The following SUGP1 variants were observed in gnomAD, a reference collection of about 807,000 sequenced individuals.
The protein encoded by SUGP1 is SURP and G-patch domain-containing protein 1.
A neutral mutation model predicts 76.5 loss-of-function variants in SUGP1; 34 were observed. The ratio of observed to expected loss-of-function variants is 0.44; its 90% confidence interval spans 0.34 to 0.59. The LOEUF (loss-of-function observed/expected upper bound fraction) is 0.59, where lower values mean the gene tolerates loss of function less well. Among genes scored for constraint, SUGP1 ranks in the 20% least tolerant of loss-of-function variants. The probability of loss-of-function intolerance (pLI) is 0.01; values close to 1 mark genes in which losing one functional copy is unlikely to be tolerated. For synonymous variants in SUGP1, 326 were observed against 326.2 expected, an observed-to-expected ratio of 1.00 and a Z score of 0.01; for missense variants, 752 against 851.7, an observed-to-expected ratio of 0.88 and a Z score of 1.46.
rs375861366 is a variant in SUGP1, at chr19:19,320,443, G to C, written c.34+20C>G. On this transcript the variant is annotated intron_variant, in intron 1 of 13. Coordinates refer to ENST00000247001, the MANE Select transcript of SUGP1 (RefSeq NM_172231.4). ...CCCAGGGACCCAGGCGGCCGCCTGA[G>C]AGGAGGCGGGGGCTGTTACCTGCAA... 2.5e-6 allele frequency: 4 copies of C among 1,607,924 alleles called. No homozygotes were observed. The highest frequency in any genetic ancestry group is 3.4e-6 in the Non-Finnish European group (4 of 1,177,526).
At position 19,278,776 on chromosome 19, in the gene SUGP1, T is replaced by C; in HGVS notation, c.1549A>G (p.Lys517Glu). 1 of 1,613,722 alleles carries C rather than the reference T, an allele frequency of 6.2e-7. No homozygotes were observed. The highest frequency in any genetic ancestry group is 8.5e-7 in the Non-Finnish European group (1 of 1,179,878). The change falls in exon 11 of 14, where the codon AAG (lysine) becomes GAG (glutamate). Residue 517 changes from lysine (K) to glutamate (E), a missense_variant. Coordinates refer to ENST00000247001, the MANE Select transcript of SUGP1 (RefSeq NM_172231.4). ...ATGAAGTGCTTGCCCCGGCCCATCTTTGTCAGCTGCTCGGCCCATTCTGCT... is the reference window on the plus strand; with the variant it reads ...ATGAAGTGCTTGCCCCGGCCCATCTCTGTCAGCTGCTCGGCCCATTCTGCT... Reference protein sequence around the residue: ...KTREWAEQLTKMGRGKHFIGD... With the variant: ...KTREWAEQLTEMGRGKHFIGD...
intron 1 of SUGP1, among the ~76,000 whole-genome samples, chr19:19,317,158 T>C (rs1164772940): frequency 6.8e-6 from 1 of 146,514 alleles, no homozygotes; most frequent in Non-Finnish European, 1.5e-5. Context: ...AAAAAGTAAG[T>C]GCACAATGTG....
chr19:19,305,658 C>A (rs1251038205), intron 4 of SUGP1, 191 bp downstream of exon 4: 6 of 554,642 alleles, frequency 1.1e-5, no homozygotes, highest in African/African-American at 1.9e-5. Context: ...CCCAGCAACA[C>A]CCCAGCCCCG....
chr19:19,317,840 T>A (rs1393756556), intron 1 of SUGP1, among the ~76,000 whole-genome samples: 1 of 143,870 alleles, frequency 7.0e-6, no homozygotes, highest in African/African-American at 2.6e-5. Flanking sequence ...AGGCGAACTG[T>A]TACTCTGTCA....
intron 1 of SUGP1, among the ~76,000 whole-genome samples, chr19:19,318,223 T>G (rs1485445629): frequency 6.6e-6 from 1 of 150,822 alleles, no homozygotes; most frequent in Non-Finnish European, 1.5e-5. Flanking sequence ...GTTCCAGCGA[T>G]TCTCCTGCCT....
intron 8 of SUGP1, among the ~76,000 whole-genome samples, chr19:19,285,877 T>C (rs1209764852): frequency 1.3e-5 from 2 of 152,138 alleles, no homozygotes; most frequent in Non-Finnish European, 2.9e-5. Context: ...GCACCAGAAC[T>C]TAAGGCAGGA....
chr19:19,279,208 C>A lies in SUGP1; in HGVS notation c.1528+5G>T. On this transcript the variant is annotated splice_donor_5th_base_variant and intron_variant, in intron 10 of 13. Transcript: ENST00000247001. Reference sequence around the variant, plus strand: ...CAGCCCGGCCCACCCCGCTGCCCCACATACCCCTGGTCTTATCCATCTCCA... The same window carrying A: ...CAGCCCGGCCCACCCCGCTGCCCCAAATACCCCTGGTCTTATCCATCTCCA... The A allele has an allele frequency of 6.3e-7, 1 of 1,595,424 alleles. No homozygotes were observed. Among genetic ancestry groups the A allele is most frequent in the Non-Finnish European group, 8.5e-7 (1 of 1,172,486 alleles).
chr19:19,293,607 G>C (rs944748308), intron 8 of SUGP1, among the ~76,000 whole-genome samples: 5 of 151,440 alleles, frequency 3.3e-5, no homozygotes, highest in African/African-American at 1.2e-4. Context: ...AAGAAGTGAA[G>C]TTCCTCAACA....
chr19:19,287,386 C>T (rs946470213), intron 8 of SUGP1, among the ~76,000 whole-genome samples: 14 of 151,962 alleles, frequency 9.2e-5, no homozygotes, highest in African/African-American at 3.4e-4. Flanking sequence ...CATGGTGAAA[C>T]CCTATCTCTA....
At chr19:19,297,408 C>CAGGAGCAGTTCTGGCCTTCTGGGA in intron 7 of SUGP1, 64 bp from the exon 8 acceptor site, 1 of 1,402,746 alleles carries the variant, frequency 7.1e-7, no homozygotes, top group Non-Finnish European at 9.6e-7. Flanking sequence ...TGATTCTGGG[C>CAGGAGCAGTTCTGGCCTTCTGGGA]AGGAGCAGTT....
At chr19:19,320,428 C>T in intron 1 of SUGP1, 35 bp downstream of exon 1, 1 of 1,606,414 alleles carries the variant, frequency 6.2e-7, no homozygotes, top group Non-Finnish European at 8.5e-7. Context: ...CCCAGGGACC[C>T]AGGCGGCCGC....
At position 19,276,238 on chromosome 19, in the gene SUGP1, A is replaced by G. The variant is rs1248496978; in HGVS notation, c.*410T>C. 2 of 180,054 alleles carry G rather than the reference A, an allele frequency of 1.1e-5. No homozygotes were observed. Among genetic ancestry groups the G allele is most frequent in the African/African-American group, 2.4e-5 (1 of 42,144 alleles). 11.2% of individuals were successfully genotyped at this position (180,054 alleles called of 1,614,324 possible). ...AGCTAATTTTATATTTTTAGTAGAG[A>G]CAGGATTTCACCATGTTGGCCAGGC... is the stretch of plus-strand genomic sequence containing the variant. On this transcript the variant is annotated 3_prime_UTR_variant, in exon 14 of 14. Transcript: ENST00000247001.
intron 10 of SUGP1, 152 bp downstream of exon 10, chr19:19,279,061 C>T: frequency 2.2e-6 from 2 of 909,390 alleles, no homozygotes; most frequent in Non-Finnish European, 3.2e-6. Flanking sequence ...GACTGAGCCT[C>T]TCACTCCAGG....
chr19:19,282,442 T>TAA (rs537092970), intron 8 of SUGP1, among the ~76,000 whole-genome samples: 2,455 of 137,424 alleles, frequency 0.018, 28 homozygotes, highest in African/African-American at 0.036. Flanking sequence ...CTATTTATGT[T>TAA]AAAAAAAAAA....
At chr19:19,285,739 T>A (rs535032913) in intron 8 of SUGP1, among the ~76,000 whole-genome samples, 13 of 152,014 alleles carry the variant, frequency 8.6e-5, no homozygotes, top group African/African-American at 3.1e-4. Flanking sequence ...CTAATTTTTG[T>A]GGTTTTTTGT....
chr19:19,285,227 G>C (rs2061130754), intron 8 of SUGP1, among the ~76,000 whole-genome samples: 1 of 151,276 alleles, frequency 6.6e-6, no homozygotes, highest in Non-Finnish European at 1.5e-5. Context: ...GTGCAGTGGA[G>C]CAATCGTGGC....
At chr19:19,285,882 G>A (rs1599848669) in intron 8 of SUGP1, among the ~76,000 whole-genome samples, 1 of 152,152 alleles carries the variant, frequency 6.6e-6, no homozygotes, top group Non-Finnish European at 1.5e-5. Flanking sequence ...AGAACTTAAG[G>A]CAGGATAACG....
rs1320129744 is a variant in SUGP1, at chr19:19,320,481, C to T, written c.16G>A (p.Asp6Asn). The T allele has an allele frequency of 6.2e-7, 1 of 1,610,138 alleles. No individual in the cohort carries two copies. The highest frequency in any genetic ancestry group is 1.7e-5 in the Admixed American group (1 of 59,368). The change falls in exon 1 of 14, where the codon GAC becomes AAC. Residue 6 changes from aspartate (D) to asparagine (N), a missense_variant. Physicochemically the swap from Asp to Asn is conservative, Grantham distance 23 (BLOSUM62 1). Transcript: ENST00000247001. MSLKM[D>N]NRDVAGKANR... ...CTGTTACCTGCAACATCCCGGTTGT[C>T]CATCTTGAGACTCATCCAATCCCAC...
In SUGP1 at chr19:19,293,578, C is replaced by CA. The variant is rs59794179; in HGVS notation, c.1243+3410dup. On this transcript the variant is annotated intron_variant, in intron 8 of 13. Transcript: ENST00000247001. Reference sequence around the variant, plus strand: ...TGCACATCAGAGAAAGACTCTGTCTCAAAAAAAAAAAGAACAAGAAGAAGT... The same window carrying CA: ...TGCACATCAGAGAAAGACTCTGTCTCAAAAAAAAAAAAGAACAAGAAGAAGT... Among the ~76,000 whole-genome samples, 40 of 146,084 alleles carry CA rather than the reference C, an allele frequency of 2.7e-4. No individual in the cohort carries two copies. The South Asian group carries it at 3.4e-3, about 13-fold the overall frequency.
Sources: allele counts gnomAD v4.1 joint callset (sites outside exome capture counted in the v4.1 genomes callset), GRCh38; gene constraint gnomAD v4.1.1; transcripts MANE v1.5; gene names NCBI Gene and HGNC (gene_info 2026-07-23, HGNC 2026-07-21).